The following TENM4 variants were observed in gnomAD, a reference collection of about 807,000 sequenced individuals.
TENM4 encodes the protein teneurin transmembrane protein 4.
TENM4 carries 82 observed loss-of-function variants against 243.3 expected under a neutral mutation model. The ratio of observed to expected loss-of-function variants is 0.34; its 90% confidence interval spans 0.28 to 0.40. The LOEUF (loss-of-function observed/expected upper bound fraction) is 0.40, where lower values mean the gene tolerates loss of function less well. TENM4 is among the 10% of genes least tolerant of loss of function. TENM4 has a pLI of 1.00. For missense variants in TENM4, 3,138 were observed against 3,673.3 expected, an observed-to-expected ratio of 0.85 and a Z score of 3.77; for synonymous variants, 1,412 against 1,456.3, an observed-to-expected ratio of 0.97 and a Z score of 0.69.
At chr11:79,344,978 AT>A (rs1189020670) in intron 1 of TENM4, among the ~76,000 whole-genome samples, 1 of 152,018 alleles carries the variant, frequency 6.6e-6, no homozygotes, top group African/African-American at 2.4e-5. Flanking sequence ...AGGGTAATGG[AT>A]TTTTTTTCAG....
chr11:79,120,106 T>C (rs1309630930), intron 4 of TENM4, among the ~76,000 whole-genome samples: 1 of 152,226 alleles, frequency 6.6e-6, no homozygotes, highest in Admixed American at 6.5e-5. Context: ...AAAGCCCTCA[T>C]TGTTGGATGA....
At chr11:79,212,298 C>G (rs1040197894) in intron 3 of TENM4, among the ~76,000 whole-genome samples, 1 of 152,188 alleles carries the variant, frequency 6.6e-6, no homozygotes, top group Non-Finnish European at 1.5e-5. Flanking sequence ...GCTGTTCCAT[C>G]CTTAAAGGTC....
intron 1 of TENM4, among the ~76,000 whole-genome samples, chr11:79,299,604 C>T (rs763677602): frequency 1.3e-5 from 2 of 152,230 alleles, no homozygotes; most frequent in African/African-American, 4.8e-5. Context: ...TCTAAAACCA[C>T]ATTTTGAAAA....
At chr11:78,855,389 GTT>G (rs1340839417) in intron 11 of TENM4, among the ~76,000 whole-genome samples, 1 of 152,132 alleles carries the variant, frequency 6.6e-6, no homozygotes, top group Non-Finnish European at 1.5e-5. Context: ...CCTGGACAAG[GTT>G]TTTTCAGTGT....
intron 4 of TENM4, among the ~76,000 whole-genome samples, chr11:79,078,132 G>A (rs775552183): frequency 1.2e-4 from 19 of 152,246 alleles, no homozygotes; most frequent in Admixed American, 5.9e-4. Flanking sequence ...GCCAAAACCC[G>A]CAGGGAAATG....
chr11:79,354,340 G>T (rs1857463424), intron 1 of TENM4, among the ~76,000 whole-genome samples: 1 of 152,200 alleles, frequency 6.6e-6, no homozygotes, highest in East Asian at 1.9e-4. Context: ...CTTGAAGGAA[G>T]TCAAGGGAAA....
rs144230233 is a variant in TENM4 at position 78,748,739 on chromosome 11, T to C, written c.2756+8066A>G. 2.7e-3 allele frequency among the ~76,000 whole-genome samples: 415 copies of C among 152,338 alleles called. 3 individuals are homozygous for C. Among genetic ancestry groups the C allele is most frequent in the African/African-American group, 9.5e-3 (393 of 41,584 alleles). On this transcript the variant is annotated intron_variant, in intron 19 of 33. Coordinates refer to ENST00000278550, the MANE Select transcript of TENM4 (RefSeq NM_001098816.3). ...GATAAAGTCCCTATATCATAGGGTC[T>C]GCCAGAGATTTAAAGGTGTTACTAC...
chr11:79,310,427 T>C (rs1013697082), intron 1 of TENM4, among the ~76,000 whole-genome samples: 1 of 152,184 alleles, frequency 6.6e-6, no homozygotes, highest in Non-Finnish European at 1.5e-5. Context: ...AAATAAGTTG[T>C]TTTGGGGGTC....
intron 1 of TENM4, among the ~76,000 whole-genome samples, chr11:79,304,541 C>T (rs774781291): frequency 2.6e-4 from 40 of 152,302 alleles, no homozygotes; most frequent in Non-Finnish European, 5.9e-4. Flanking sequence ...AACATGCTCA[C>T]TTTGGTTTTC....
intron 2 of TENM4, among the ~76,000 whole-genome samples, chr11:79,288,616 G>C (rs1439356896): frequency 6.6e-6 from 1 of 152,194 alleles, no homozygotes; most frequent in Admixed American, 6.5e-5. Context: ...ATAAATCCCA[G>C]CTTATCTTCA....
At chr11:78,978,231 A>T (rs1565152264) in intron 6 of TENM4, among the ~76,000 whole-genome samples, 1 of 152,154 alleles carries the variant, frequency 6.6e-6, no homozygotes, top group East Asian at 1.9e-4. Flanking sequence ...GAGGGATAGC[A>T]TTAGGAGAAA....
intron 1 of TENM4, among the ~76,000 whole-genome samples, chr11:79,394,641 T>C (rs1342019321): frequency 6.6e-6 from 1 of 152,214 alleles, no homozygotes; most frequent in Non-Finnish European, 1.5e-5. Context: ...ATTGAAATCC[T>C]AATTTCTGGT....
At chr11:79,429,708 G>A (rs912014081) in intron 1 of TENM4, among the ~76,000 whole-genome samples, 1 of 152,186 alleles carries the variant, frequency 6.6e-6, no homozygotes, top group Non-Finnish European at 1.5e-5. Context: ...GGACTTAACT[G>A]CAATATATGG....
chr11:78,865,907 A>G (rs1288157856), intron 9 of TENM4, among the ~76,000 whole-genome samples: 2 of 152,232 alleles, frequency 1.3e-5, no homozygotes, highest in Non-Finnish European at 2.9e-5. Flanking sequence ...GTTGTACCTA[A>G]TGAGGTAATA....
rs771365964 is a variant in TENM4, at chr11:78,665,460, C to T, written c.7408+3477G>A. On this transcript the variant is annotated intron_variant, in intron 32 of 33. Transcript: ENST00000278550. ...CTAAGTTTTGTATTTTTAGCAGAGA[C>T]GAGATTTCGCCATGTTGGCCAGGGT... Among the ~76,000 whole-genome samples the T allele has an allele frequency of 1.1e-4, 17 of 152,182 alleles. No homozygotes were observed. The East Asian group carries it at 1.7e-3, about 16-fold the overall frequency.
chr11:79,090,625 G>A (rs1860923073), intron 4 of TENM4, among the ~76,000 whole-genome samples: 1 of 152,204 alleles, frequency 6.6e-6, no homozygotes, highest in Admixed American at 6.5e-5. Context: ...TAAGTGCCTG[G>A]GCTGGGATTT....
intron 27 of TENM4, among the ~76,000 whole-genome samples, chr11:78,707,520 C>G (rs1265069174): frequency 6.6e-6 from 1 of 152,258 alleles, no homozygotes; most frequent in Non-Finnish European, 1.5e-5. Context: ...CCACCTGCTT[C>G]CAAGCACCCT....
chr11:79,402,709 C>T (rs1207566735), intron 1 of TENM4, among the ~76,000 whole-genome samples: 2 of 152,176 alleles, frequency 1.3e-5, no homozygotes, highest in Non-Finnish European at 2.9e-5. Flanking sequence ...CTTCCCTCTT[C>T]CCCAACCTCT....
intron 6 of TENM4, chr11:78,924,492 A>T (rs914991811): frequency 6.6e-6 from 1 of 152,258 alleles, no homozygotes. Context: ...TCTTGATTCT[A>T]CCACTTACAG....
Sources: gnomAD v4.1 joint callset for allele counts (sites outside exome capture counted in the v4.1 genomes callset) on GRCh38, gnomAD v4.1.1 for gene constraint, MANE v1.5 for transcripts, NCBI Gene and HGNC (gene_info 2026-07-23, HGNC 2026-07-21) for gene names.